Variants in ATP8A2 observed in about 807,000 individuals in gnomAD.
ATP8A2 encodes phospholipid-transporting ATPase IB.
In ATP8A2, 100 loss-of-function variants were observed where a neutral mutation model predicts 165.6. That is an observed-to-expected ratio of 0.60 (90% CI 0.51 to 0.71). ATP8A2 has a LOEUF of 0.71. ATP8A2 is among the 30% of genes least tolerant of loss of function. ATP8A2 has a pLI of 0.00. For synonymous variants in ATP8A2, 543 were observed against 548.8 expected, an observed-to-expected ratio of 0.99 and a Z score of 0.15; for missense variants, 1,227 against 1,479.5, an observed-to-expected ratio of 0.83 and a Z score of 2.80.
intron 25 of ATP8A2, among the ~76,000 whole-genome samples, chr13:25,722,995 A>G (rs988558036): frequency 2.0e-5 from 3 of 152,210 alleles, no homozygotes; most frequent in African/African-American, 4.8e-5. Context: ...CTCCGTGTTA[A>G]TTCCTGTAGG....
chr13:25,685,188 C>A (rs2042575244), intron 24 of ATP8A2, among the ~76,000 whole-genome samples: 1 of 152,196 alleles, frequency 6.6e-6, no homozygotes, highest in Admixed American at 6.5e-5. Flanking sequence ...AGGCCTCACA[C>A]TCAGTTACTG....
intron 24 of ATP8A2, among the ~76,000 whole-genome samples, chr13:25,647,671 CTTTTTTCTTTTTTTCTTTT>C (rs1349174692): frequency 6.6e-6 from 1 of 151,156 alleles, no homozygotes; most frequent in Non-Finnish European, 1.5e-5. Context: ...GCCATTCTTT[CTTTTTTCTTTTTTTCTTTT>C]TTTTTTCTTT....
chr13:25,986,722 C>A (rs1195863210), intron 35 of ATP8A2, among the ~76,000 whole-genome samples: 2 of 152,070 alleles, frequency 1.3e-5, no homozygotes, highest in African/African-American at 4.8e-5. Flanking sequence ...ATGTATATAC[C>A]CGGGACTAGG....
intron 27 of ATP8A2, among the ~76,000 whole-genome samples, chr13:25,817,678 T>C (rs1951065277): frequency 6.6e-6 from 1 of 151,492 alleles, no homozygotes; most frequent in Non-Finnish European, 1.5e-5. Context: ...TATTCTTTTT[T>C]CTTTTTCTTT....
At chr13:25,643,542 C>T (rs1175351971) in intron 24 of ATP8A2, among the ~76,000 whole-genome samples, 1 of 152,068 alleles carries the variant, frequency 6.6e-6, no homozygotes, top group Non-Finnish European at 1.5e-5. Context: ...GTCCTTTTCC[C>T]TATTTGTATT....
At chr13:25,621,022 G>A (rs1165463228) in intron 24 of ATP8A2, among the ~76,000 whole-genome samples, 1 of 152,062 alleles carries the variant, frequency 6.6e-6, no homozygotes, top group African/African-American at 2.4e-5. Context: ...GAGTGGGAGT[G>A]GAAGGATTAT....
At chr13:25,763,036 C>T (rs1343008346) in intron 25 of ATP8A2, among the ~76,000 whole-genome samples, 1 of 152,172 alleles carries the variant, frequency 6.6e-6, no homozygotes, top group African/African-American at 2.4e-5. Context: ...CCGAGAAATG[C>T]TTCCATGGGA....
rs189259428 is a variant in ATP8A2 at position 26,019,682 on chromosome 13, A to G, written c.3470-206A>G. Among the ~76,000 whole-genome samples the G allele has an allele frequency of 4.9e-4, 75 of 152,262 alleles. 1 individual carries two copies. Among genetic ancestry groups the G allele is most frequent in the Admixed American group, 4.3e-3 (65 of 15,294 alleles). On this transcript the variant is annotated intron_variant, in intron 36 of 36. Coordinates refer to ENST00000381655, the MANE Select transcript of ATP8A2 (RefSeq NM_016529.6). ...CTTCCCAGCATCAGCAGCTAGAACC[A>G]TGGGACCCCAGTTAGCCTGCACACG... is the stretch of plus-strand genomic sequence containing the variant.
chr13:25,530,569 CAGATGT>C lies in ATP8A2; in HGVS notation c.331_336del (p.Asp111_Val112del). 6.4e-7 allele frequency: 1 copy of C among 1,572,202 alleles called. No homozygotes were observed. Among genetic ancestry groups the C allele is most frequent in the Non-Finnish European group, 8.7e-7 (1 of 1,152,512 alleles). ...TGGTCTCTTATCTTCCAGCAAATTC[CAGATGT>C]ATCTCCAACAGGAAGATATACCACC... is the stretch of plus-strand genomic sequence containing the variant. On this transcript the variant is annotated inframe_deletion, in exon 4 of 37. Transcript: ENST00000381655.
At chr13:25,805,275 G>A (rs945278134) in intron 27 of ATP8A2, among the ~76,000 whole-genome samples, 1 of 151,946 alleles carries the variant, frequency 6.6e-6, no homozygotes, top group African/African-American at 2.4e-5. Context: ...TTGGGAGGCT[G>A]GGGTGGACAT....
chr13:25,612,906 A>C (rs2040725064), intron 24 of ATP8A2, among the ~76,000 whole-genome samples: 1 of 152,014 alleles, frequency 6.6e-6, no homozygotes, highest in Non-Finnish European at 1.5e-5. Flanking sequence ...TTGTCTTTTT[A>C]CACTGCGATT....
At chr13:25,466,984 C>T (rs1048469776) in intron 1 of ATP8A2, among the ~76,000 whole-genome samples, 14 of 152,258 alleles carry the variant, frequency 9.2e-5, no homozygotes, top group African/African-American at 3.4e-4. Context: ...ATCTGTCTTA[C>T]ATCAGCAAAT....
intron 36 of ATP8A2, 74 bp from the exon 37 acceptor site, chr13:26,019,814 G>C: frequency 1.8e-6 from 2 of 1,085,030 alleles, no homozygotes; most frequent in Non-Finnish European, 2.8e-6. Context: ...CCAAAAAAAA[G>C]CAGCTTATTT....
chr13:25,960,400 C>T (rs1009050155), intron 33 of ATP8A2, among the ~76,000 whole-genome samples: 2 of 152,122 alleles, frequency 1.3e-5, no homozygotes, highest in South Asian at 2.1e-4. Context: ...CTGTGGGGGT[C>T]CCACAGGTGG....
At chr13:25,789,736 A>G (rs1456676117) in intron 27 of ATP8A2, among the ~76,000 whole-genome samples, 1 of 152,246 alleles carries the variant, frequency 6.6e-6, no homozygotes, top group Non-Finnish European at 1.5e-5. Context: ...TTTAAAATTC[A>G]TATGAAACAA....
intron 28 of ATP8A2, 28 bp downstream of exon 28, chr13:25,828,220 G>A (rs775917902): frequency 7.1e-6 from 11 of 1,559,604 alleles, no homozygotes; most frequent in Non-Finnish European, 8.8e-6. Flanking sequence ...CTATCTGATA[G>A]CATGCAGAAC....
chr13:25,823,810 T>C (rs528461891), intron 27 of ATP8A2, among the ~76,000 whole-genome samples: 3 of 152,278 alleles, frequency 2.0e-5, no homozygotes, highest in African/African-American at 7.2e-5. Context: ...TTCAGAAAAT[T>C]TTCTTCTGTT....
At chr13:25,503,649 T>C (rs1401735498) in intron 2 of ATP8A2, among the ~76,000 whole-genome samples, 1 of 152,184 alleles carries the variant, frequency 6.6e-6, no homozygotes, top group Non-Finnish European at 1.5e-5. Context: ...GTATATTTTC[T>C]CTTGTGGATC....
intron 3 of ATP8A2, 90 bp downstream of exon 3, chr13:25,530,188 A>C (rs2037985388): frequency 1.3e-6 from 1 of 782,734 alleles, no homozygotes; most frequent in Admixed American, 2.4e-5. Flanking sequence ...AAAGTGTTAT[A>C]ATCTTGGAAT....
Sources: gnomAD v4.1 joint callset for allele counts (sites outside exome capture counted in the v4.1 genomes callset) on GRCh38, gnomAD v4.1.1 for gene constraint, MANE v1.5 for transcripts, NCBI Gene and HGNC (gene_info 2026-07-23, HGNC 2026-07-21) for gene names.